The following IGSF21 variants were observed in gnomAD, a reference collection of about 807,000 sequenced individuals.
The protein encoded by IGSF21 is immunoglobulin superfamily member 21.
In IGSF21, 28 loss-of-function variants were observed where a neutral mutation model predicts 46.8. The ratio of observed to expected loss-of-function variants is 0.60; its 90% CI spans 0.44 to 0.82. The LOEUF is 0.82. Among genes scored for constraint, IGSF21 ranks in the 40% least tolerant of loss-of-function variants. The pLI is 0.00. For missense variants in IGSF21, 624 were observed against 665.5 expected, an observed-to-expected ratio of 0.94 and a Z score of 0.69; for synonymous variants, 284 against 273.6, an observed-to-expected ratio of 1.04 and a Z score of -0.38.
In IGSF21 at chr1:18,358,412, G is replaced by A. The variant is rs61006526; in HGVS notation, c.425-3703G>A. Among the ~76,000 whole-genome samples the A allele has an allele frequency of 1.1e-3, 164 of 152,052 alleles. 1 individual carries two copies. Among genetic ancestry groups the A allele is most frequent in the African/African-American group, 3.6e-3 (149 of 41,476 alleles). On this transcript the variant is annotated intron_variant, in intron 4 of 9. Transcript: ENST00000251296. ...TCAATATGTTATCAATATATCTTAC[G>A]CTCTTCTTAAAAAATTAAGACTTCT...
chr1:18,160,790 C>G (rs1197245450), intron 1 of IGSF21, among the ~76,000 whole-genome samples: 1 of 152,230 alleles, frequency 6.6e-6, no homozygotes, highest in Non-Finnish European at 1.5e-5. Flanking sequence ...CACCCAGAAT[C>G]ACTGCAGTCA....
At position 18,335,864 on chromosome 1, in the gene IGSF21, C is replaced by A. The variant is rs1483474662; in HGVS notation, c.424+854C>A. Among the ~76,000 whole-genome samples, 2 of 152,224 alleles carry A rather than the reference C, an allele frequency of 1.3e-5. No individual in the cohort carries two copies. Among genetic ancestry groups the A allele is most frequent in the Non-Finnish European group, 2.9e-5 (2 of 68,044 alleles). On this transcript the variant is annotated intron_variant, in intron 4 of 9. Transcript: ENST00000251296. The surrounding 1 kb of genome is among the most constrained non-coding windows in gnomAD (Gnocchi z 4.8). ...GAGGGACATTGATTCCTGCAGCACA[C>A]CCGTGGTGGTTCTGGCTTCCCGATG...
intron 3 of IGSF21, among the ~76,000 whole-genome samples, chr1:18,321,107 G>A (rs558553931): frequency 3.9e-5 from 6 of 152,328 alleles, no homozygotes; most frequent in Non-Finnish European, 8.8e-5. Context: ...AGAGTTTGGC[G>A]TCGGGGGCTC....
intron 2 of IGSF21, among the ~76,000 whole-genome samples, chr1:18,254,283 C>CAAAA (rs2084869178): frequency 1.4e-5 from 2 of 145,296 alleles, no homozygotes; most frequent in Non-Finnish European, 2.9e-5. Context: ...CCTTGAAGTC[C>CAAAA]AGAGGCCCCC....
At chr1:18,185,605 T>C (rs989799944) in intron 1 of IGSF21, among the ~76,000 whole-genome samples, 2 of 152,180 alleles carry the variant, frequency 1.3e-5, no homozygotes, top group Admixed American at 6.5e-5. Flanking sequence ...TGTGAGAGCC[T>C]GGTGTTAAAG....
chr1:18,281,973 C>T (rs1390984946), intron 2 of IGSF21, among the ~76,000 whole-genome samples: 1 of 152,152 alleles, frequency 6.6e-6, no homozygotes, highest in Admixed American at 6.5e-5. Flanking sequence ...CCCAGCTCTG[C>T]GGACTCCTCC....
At chr1:18,284,193 T>C (rs958915158) in intron 2 of IGSF21, among the ~76,000 whole-genome samples, 2 of 152,150 alleles carry the variant, frequency 1.3e-5, no homozygotes, top group African/African-American at 4.8e-5. Flanking sequence ...GTTGACTTGG[T>C]CTAGTGCCAT....
intron 2 of IGSF21, among the ~76,000 whole-genome samples, chr1:18,248,939 C>T (rs934215651): frequency 6.6e-6 from 1 of 151,998 alleles, no homozygotes; most frequent in East Asian, 1.9e-4. Context: ...AGGTTGGCTT[C>T]GCAGGGGAAG....
chr1:18,310,367 G>GACTAGTTTT (rs2085477222), intron 3 of IGSF21, among the ~76,000 whole-genome samples: 1 of 152,112 alleles, frequency 6.6e-6, no homozygotes, highest in Non-Finnish European at 1.5e-5. Context: ...TTTTCCTTAA[G>GACTAGTTTT]TCTAATTTAG....
chr1:18,326,425 C>T (rs543097668), intron 3 of IGSF21, among the ~76,000 whole-genome samples: 1 of 152,154 alleles, frequency 6.6e-6, no homozygotes, highest in Non-Finnish European at 1.5e-5. Flanking sequence ...GTGTGTTTAA[C>T]CTACTTGCAG....
intron 4 of IGSF21, 137 bp from the exon 5 acceptor site, chr1:18,361,978 C>T (rs1438677035): frequency 8.1e-6 from 5 of 619,354 alleles, no homozygotes; most frequent in African/African-American, 1.8e-5. Flanking sequence ...ACCAATGGCA[C>T]CCCCTGGAGT....
At chr1:18,273,462 C>CTCTTTCTTTTTCTTTCTT (rs1553159596) in intron 2 of IGSF21, among the ~76,000 whole-genome samples, 1 of 61,954 alleles carries the variant, frequency 1.6e-5, no homozygotes, top group South Asian at 5.7e-4. Flanking sequence ...TTCTTTCTCT[C>CTCTTTCTTTTTCTTTCTT]TCTTTCTTTC....
At chr1:18,239,681 C>T (rs2084706464) in intron 2 of IGSF21, among the ~76,000 whole-genome samples, 2 of 152,180 alleles carry the variant, frequency 1.3e-5, no homozygotes, top group African/African-American at 4.8e-5. Context: ...TGTGCTGTCT[C>T]TGCGTGCAAT....
At chr1:18,221,501 C>T (rs1464520525) in intron 1 of IGSF21, among the ~76,000 whole-genome samples, 2 of 152,102 alleles carry the variant, frequency 1.3e-5, no homozygotes, top group African/African-American at 2.4e-5. Flanking sequence ...GGAGTGATGT[C>T]GGGATGTTGC....
intron 4 of IGSF21, among the ~76,000 whole-genome samples, chr1:18,351,167 C>G (rs981735635): frequency 6.6e-6 from 1 of 152,138 alleles, no homozygotes; most frequent in African/African-American, 2.4e-5. Flanking sequence ...CCCTGACTCT[C>G]GGTTGACACC....
intron 2 of IGSF21, among the ~76,000 whole-genome samples, chr1:18,228,502 G>A (rs1050155117): frequency 6.6e-6 from 1 of 152,130 alleles, no homozygotes; most frequent in South Asian, 2.1e-4. Context: ...GAAGGGAATT[G>A]GTTAGAGATG....
intron 2 of IGSF21, among the ~76,000 whole-genome samples, chr1:18,254,825 G>A (rs1023366360): frequency 6.6e-6 from 1 of 151,552 alleles, no homozygotes; most frequent in Non-Finnish European, 1.5e-5. Flanking sequence ...TGATTCTTCA[G>A]TTGTTTGCCC....
intron 1 of IGSF21, among the ~76,000 whole-genome samples, chr1:18,209,314 C>T (rs553305389): frequency 5.9e-5 from 9 of 152,264 alleles, no homozygotes; most frequent in African/African-American, 2.2e-4. Flanking sequence ...TGTCCAAGAG[C>T]ATAGTTAGGA....
At chr1:18,356,273 C>T (rs1016338023) in intron 4 of IGSF21, among the ~76,000 whole-genome samples, 2 of 152,272 alleles carry the variant, frequency 1.3e-5, no homozygotes, top group Non-Finnish European at 1.5e-5. Flanking sequence ...TGTGTTTACT[C>T]ACCCACCCCC....
Sources: allele counts gnomAD v4.1 joint callset (sites outside exome capture counted in the v4.1 genomes callset), GRCh38; gene constraint gnomAD v4.1.1; non-coding constraint Gnocchi (gnomAD v3.1); transcripts MANE v1.5; gene names NCBI Gene and HGNC (gene_info 2026-07-23, HGNC 2026-07-21).